The following ITGA8 variants were observed in gnomAD, a reference collection of about 807,000 sequenced individuals.
ITGA8 encodes the protein integrin subunit alpha 8, also known as integrin alpha-8.
Under a neutral mutation model 142.3 loss-of-function variants are expected in ITGA8, and 91 were observed. That is an observed-to-expected ratio of 0.64 (90% CI 0.54 to 0.76). The LOEUF is 0.76. Among genes scored for constraint, ITGA8 ranks in the 30% least tolerant of loss-of-function variants. ITGA8 has a pLI of 0.00. For missense variants in ITGA8, 1,406 were observed against 1,327.7 expected, an observed-to-expected ratio of 1.06 and a Z score of -0.92; for synonymous variants, 505 against 485.2, an observed-to-expected ratio of 1.04 and a Z score of -0.54.
At chr10:15,660,403 C>T (rs1046724100) in intron 9 of ITGA8, among the ~76,000 whole-genome samples, 6 of 152,220 alleles carry the variant, frequency 3.9e-5, no homozygotes, top group Non-Finnish European at 8.8e-5. Flanking sequence ...TATTTTCCTT[C>T]CTTTTCCGTA....
intron 2 of ITGA8, among the ~76,000 whole-genome samples, chr10:15,711,655 C>T (rs928149044): frequency 6.6e-6 from 1 of 151,958 alleles, no homozygotes; most frequent in African/African-American, 2.4e-5. Flanking sequence ...TCAACCTCCC[C>T]CCCAAAAGAT....
intron 13 of ITGA8, among the ~76,000 whole-genome samples, chr10:15,638,778 C>T (rs1465651206): frequency 2.0e-5 from 3 of 152,114 alleles, no homozygotes; most frequent in Non-Finnish European, 4.4e-5. Context: ...TTCTGATCTA[C>T]TTAGAATGGA....
intron 27 of ITGA8, among the ~76,000 whole-genome samples, chr10:15,545,545 C>G (rs982988479): frequency 2.0e-5 from 3 of 152,166 alleles, no homozygotes; most frequent in Non-Finnish European, 4.4e-5. Flanking sequence ...TTTAATGAAC[C>G]ATTACAAGTA....
At chr10:15,544,461 G>A (rs187015587) in intron 27 of ITGA8, among the ~76,000 whole-genome samples, 3 of 152,204 alleles carry the variant, frequency 2.0e-5, no homozygotes, top group Non-Finnish European at 4.4e-5. Flanking sequence ...GACTTTGAGA[G>A]AATAAATTTC....
intron 21 of ITGA8, chr10:15,596,673 G>A (rs1286735816): frequency 6.5e-6 from 1 of 153,156 alleles, no homozygotes; most frequent in East Asian, 1.9e-4. Context: ...AGTTTCAAAT[G>A]CTCAAGCAAA....
chr10:15,521,391 T>C (rs963617188), intron 28 of ITGA8, among the ~76,000 whole-genome samples: 4 of 152,178 alleles, frequency 2.6e-5, no homozygotes, highest in Non-Finnish European at 5.9e-5. Flanking sequence ...TGGTTTTTTA[T>C]TGCTCCTTCC....
At chr10:15,628,621 C>G (rs2084775) in intron 13 of ITGA8, among the ~76,000 whole-genome samples, 1 of 151,710 alleles carries the variant, frequency 6.6e-6, no homozygotes, top group Non-Finnish European at 1.5e-5. Flanking sequence ...TGTGAGCCAC[C>G]GCGCCCGGCC....
chr10:15,550,161 C>T (rs1002134625), intron 26 of ITGA8, among the ~76,000 whole-genome samples: 11 of 152,174 alleles, frequency 7.2e-5, no homozygotes, highest in Admixed American at 1.3e-4. Context: ...GCTTGGCTCT[C>T]ATTCTCTGCT....
chr10:15,678,909 TTA>T (rs1192083434), intron 4 of ITGA8, 126 bp from the exon 5 acceptor site: 1 of 528,420 alleles, frequency 1.9e-6, no homozygotes, highest in Admixed American at 3.8e-5. Flanking sequence ...AATATGTGTT[TTA>T]TGTTTATTTT....
At chr10:15,704,555 C>G (rs891740636) in intron 2 of ITGA8, among the ~76,000 whole-genome samples, 3 of 152,140 alleles carry the variant, frequency 2.0e-5, no homozygotes, top group South Asian at 2.1e-4. Context: ...TCTTTCACCT[C>G]TAGATTTTTT....
chr10:15,559,801 C>T (rs185246378), intron 25 of ITGA8, among the ~76,000 whole-genome samples: 10 of 123,500 alleles, frequency 8.1e-5, no homozygotes, highest in Non-Finnish European at 1.4e-4. Flanking sequence ...GGGAGGGGTA[C>T]ATCACACACT....
intron 26 of ITGA8, among the ~76,000 whole-genome samples, chr10:15,554,201 G>A (rs1012904871): frequency 2.6e-5 from 4 of 152,088 alleles, no homozygotes; most frequent in Non-Finnish European, 5.9e-5. Flanking sequence ...AGTTAATTTA[G>A]GACTTCCGCA....
intron 12 of ITGA8, among the ~76,000 whole-genome samples, chr10:15,644,742 AG>A (rs1343986805): frequency 6.6e-6 from 1 of 151,664 alleles, no homozygotes; most frequent in Non-Finnish European, 1.5e-5. Context: ...AAAATTCTGT[AG>A]TACTGCTGCA....
chr10:15,583,713 G>T (rs1373739971), intron 23 of ITGA8, among the ~76,000 whole-genome samples: 1 of 152,046 alleles, frequency 6.6e-6, no homozygotes, highest in Non-Finnish European at 1.5e-5. Context: ...GGGTGGGGAA[G>T]GGTTGGCTAT....
chr10:15,647,040 AC>A lies in ITGA8; in HGVS notation c.1012del (p.Val338SerfsTer20). 2 of 1,613,216 alleles carry A rather than the reference AC, an allele frequency of 1.2e-6. No homozygotes were observed. The highest frequency in any genetic ancestry group is 1.7e-6 in the Non-Finnish European group (2 of 1,179,886). ...SDVNSDGLDD[V>X]LVGAPLFMER... The stretch of plus-strand genomic sequence containing the variant: ...CATAAAGAGAGGTGCCCCAACCAGG[AC>A]ATCATCCAGTCTGTAAGGAACAAAG... On this transcript the variant is annotated frameshift_variant, in exon 12 of 30. Transcript: ENST00000378076. LOFTEE classifies it high-confidence loss of function.
intron 13 of ITGA8, among the ~76,000 whole-genome samples, chr10:15,629,061 C>T (rs1315957997): frequency 1.3e-5 from 2 of 151,776 alleles, no homozygotes; most frequent in African/African-American, 4.9e-5. Context: ...CTACTCACGG[C>T]GCTTTTTCCA....
intron 8 of ITGA8, among the ~76,000 whole-genome samples, chr10:15,666,563 G>T (rs1834397090): frequency 6.6e-6 from 1 of 152,260 alleles, no homozygotes; most frequent in South Asian, 2.1e-4. Flanking sequence ...ATGTTGAATA[G>T]GAGTGATGAG....
At chr10:15,547,684 G>A (rs1000937969) in intron 27 of ITGA8, among the ~76,000 whole-genome samples, 3 of 152,210 alleles carry the variant, frequency 2.0e-5, no homozygotes, top group African/African-American at 7.2e-5. Flanking sequence ...TCATACTCAC[G>A]TACCTGGAAC....
At chr10:15,684,303 A>G (rs2131704060) in intron 3 of ITGA8, among the ~76,000 whole-genome samples, 176 bp from the exon 4 acceptor site, 1 of 152,330 alleles carries the variant, frequency 6.6e-6, no homozygotes, top group Admixed American at 6.5e-5. Flanking sequence ...ACTAATTTTT[A>G]ATGTTAACAC....
Sources: allele counts gnomAD v4.1 joint callset (sites outside exome capture counted in the v4.1 genomes callset), GRCh38; gene constraint gnomAD v4.1.1; transcripts MANE v1.5; gene names NCBI Gene and HGNC (gene_info 2026-07-23, HGNC 2026-07-21).